Variants in LARGE1 observed in about 807,000 individuals in gnomAD.
LARGE1 encodes the protein LARGE xylosyl- and glucuronyltransferase 1, also known as xylosyl- and glucuronyltransferase LARGE1.
Under a neutral mutation model 87.6 loss-of-function variants are expected in LARGE1, and 43 were observed. The ratio of observed to expected loss-of-function variants is 0.49; its 90% CI spans 0.38 to 0.63. The LOEUF (loss-of-function observed/expected upper bound fraction) is 0.63, where lower values mean the gene tolerates loss of function less well. Ranked by LOEUF, LARGE1 falls within the 30% of genes least tolerant of loss-of-function variation. The probability of loss-of-function intolerance (pLI) is 0.00; values close to 1 mark genes in which losing one functional copy is unlikely to be tolerated. For synonymous variants in LARGE1, 434 were observed against 394.6 expected, an observed-to-expected ratio of 1.10 and a Z score of -1.18; for missense variants, 802 against 1,000.2, an observed-to-expected ratio of 0.80 and a Z score of 2.67.
chr22:33,789,820 C>G lies in LARGE1; in HGVS notation c.-82-28262G>C, dbSNP rs2085765937. 2.0e-5 allele frequency among the ~76,000 whole-genome samples: 3 copies of G among 152,190 alleles called. No homozygotes were observed. In the South Asian group the frequency reaches 6.2e-4, roughly 31 times the overall value. ...GAATTTTTACCCAAGCCCTGTACTC[C>G]CATTGTATCTAGGAAGTAACTAACT... On this transcript the variant is annotated intron_variant, in intron 1 of 14. Transcript: ENST00000397394.
At chr22:33,162,259 A>G (rs960279589) in exon 12 of LARGE1, 4 of 152,242 alleles carry the variant, frequency 2.6e-5, no homozygotes, top group East Asian at 1.9e-4. Flanking sequence ...ATTGACTCAC[A>G]GTTCAGCATG....
chr22:33,852,973 C>A (rs898956852), intron 1 of LARGE1, among the ~76,000 whole-genome samples: 4 of 151,036 alleles, frequency 2.6e-5, no homozygotes, highest in African/African-American at 9.7e-5. Flanking sequence ...GCGAGGGTCA[C>A]AGTGATCAAT....
chr22:33,304,279 G>C lies in LARGE1; in HGVS notation c.1680C>G (p.Phe560Leu). Reference sequence around the variant, plus strand: ...TGGGCAGGAAGTCAATGTCAGACAGGAACATGTAGGGAGTGCTGATGTGCT... The same window carrying C: ...TGGGCAGGAAGTCAATGTCAGACAGCAACATGTAGGGAGTGCTGATGTGCT... ...AMKHISTPYM[F>L]LSDIDFLPMY... is the part of the protein sequence containing the mutation. The change falls in exon 12 of 15, where the codon TTC becomes TTG. Residue 560 changes from phenylalanine to leucine, a missense_variant. Around this residue, in one of 2 missense-constraint regions of LARGE1, gnomAD observed 625 missense variants for 841.9 expected, o/e 0.74. Coordinates refer to ENST00000397394, the MANE Select transcript of LARGE1 (RefSeq NM_133642.5). The C allele has an allele frequency of 6.2e-7, 1 of 1,614,260 alleles. No individual in the cohort carries two copies. The highest frequency in any genetic ancestry group is 8.5e-7 in the Non-Finnish European group (1 of 1,180,050).
intron 11 of LARGE1, among the ~76,000 whole-genome samples, chr22:33,257,032 C>T (rs5754500): frequency 0.09 from 13,623 of 152,078 alleles, 739 homozygotes; most frequent in African/African-American, 0.14. Flanking sequence ...ATGGAGAAAA[C>T]GCATCTCTAC....
chr22:33,304,410 C>A lies in LARGE1; in HGVS notation c.1549G>T (p.Ala517Ser), dbSNP rs148771159. Residue 517 changes from alanine (A) to serine (S), a missense_variant, in exon 12 of 15, where the codon GCA becomes TCA. This residue lies in a region of LARGE1 where 625 missense variants were observed against 841.9 expected (regional missense o/e 0.74). Transcript: ENST00000397394. ...CTCATAAGCACCTCAGAGCCCTGTGCGTAGCGGAGGAACTGCTGGGCCTCG... is the reference window on the plus strand; with the variant it reads ...CTCATAAGCACCTCAGAGCCCTGTGAGTAGCGGAGGAACTGCTGGGCCTCG... ...DAEAQQFLRY[A>S]QGSEVLMSRH... is the part of the protein sequence containing the mutation. 6.2e-7 allele frequency: 1 copy of A among 1,614,226 alleles called. No homozygotes were observed. Among genetic ancestry groups the A allele is most frequent in the South Asian group, 1.1e-5 (1 of 91,086 alleles).
Position 33,593,029 on chromosome 22 carries a change from C to T in LARGE1, c.615+11406G>A, listed in dbSNP as rs550940810. On this transcript the variant is annotated intron_variant, in intron 5 of 14. Transcript: ENST00000397394. The stretch of plus-strand genomic sequence containing the variant: ...TAATTTTTTGTATTTTTAGTAGAGA[C>T]GGGGTTTCACCGTGTTAGCCAGGAT... Among the ~76,000 whole-genome samples, 11 of 152,244 alleles carry T rather than the reference C, an allele frequency of 7.2e-5. No individual in the cohort carries two copies. In the East Asian group the frequency reaches 1.4e-3, roughly 19 times the overall value.
At chr22:33,302,086 T>G (rs1190873290) in intron 12 of LARGE1, among the ~76,000 whole-genome samples, 1 of 152,164 alleles carries the variant, frequency 6.6e-6, no homozygotes, top group Non-Finnish European at 1.5e-5. Flanking sequence ...TTTCTTAGTC[T>G]AGGGTGGCAC....
At chr22:33,921,327 C>A (rs768305946), upstream of LARGE1, among the ~76,000 whole-genome samples, 60 of 152,216 alleles carry the variant, frequency 3.9e-4, no homozygotes, top group Non-Finnish European at 8.1e-4. This position sits in a 1 kb window ranked among gnomAD's most constrained non-coding sequence, Gnocchi z 4.1. Flanking sequence ...TTCCCCCAAC[C>A]CCGGCGGCTC....
intron 2 of LARGE1, among the ~76,000 whole-genome samples, chr22:33,660,092 T>G (rs2157105): frequency 0.039 from 1,777 of 45,158 alleles, 9 homozygotes; most frequent in Non-Finnish European, 0.075. Flanking sequence ...GTGTGTGTGT[T>G]TTTTTTTTTT....
chr22:33,729,389 C>A (rs770492753), intron 2 of LARGE1, among the ~76,000 whole-genome samples: 1 of 152,200 alleles, frequency 6.6e-6, no homozygotes, highest in African/African-American at 2.4e-5. Flanking sequence ...TGAACAATGT[C>A]ATGGGAAATG....
chr22:33,465,085 T>C (rs1453905671), intron 6 of LARGE1, among the ~76,000 whole-genome samples: 2 of 152,310 alleles, frequency 1.3e-5, no homozygotes, highest in Middle Eastern at 3.4e-3. Context: ...GACAAAAGAA[T>C]AGATCAATCT....
chr22:33,208,609 C>G (rs566467035), intron 11 of LARGE1, among the ~76,000 whole-genome samples: 1 of 151,752 alleles, frequency 6.6e-6, no homozygotes, highest in East Asian at 1.9e-4. Context: ...TTCTGGGGTA[C>G]ATGTGCAGAA....
chr22:33,564,709 C>T, intron 6 of LARGE1, 139 bp downstream of exon 6: 5 of 802,184 alleles, frequency 6.2e-6, no homozygotes, highest in South Asian at 3.0e-5. Context: ...GATATTGAAC[C>T]ATATTTGTAA....
upstream of LARGE1, among the ~76,000 whole-genome samples, chr22:33,921,146 C>T (rs998053863): frequency 4.6e-5 from 7 of 151,698 alleles, no homozygotes; most frequent in African/African-American, 1.7e-4. The surrounding 1 kb of genome is among the most constrained non-coding windows in gnomAD (Gnocchi z 4.1). Flanking sequence ...GCAAGCGCCG[C>T]AGCCGCGCGG....
At chr22:33,404,730 G>A (rs1039523178) in intron 7 of LARGE1, among the ~76,000 whole-genome samples, 4 of 152,190 alleles carry the variant, frequency 2.6e-5, no homozygotes, top group Non-Finnish European at 4.4e-5. Flanking sequence ...CAAGCTTTGA[G>A]GCAAGAGTGA....
chr22:33,909,053 G>A (rs994983972), intron 1 of LARGE1, among the ~76,000 whole-genome samples: 7 of 152,104 alleles, frequency 4.6e-5, no homozygotes, highest in African/African-American at 1.7e-4. Context: ...GAGCCCATTT[G>A]AACAAACCCC....
chr22:33,565,929 T>C (rs901694813), intron 5 of LARGE1, among the ~76,000 whole-genome samples: 1 of 152,182 alleles, frequency 6.6e-6, no homozygotes, highest in African/African-American at 2.4e-5. Context: ...TTTATGAAGA[T>C]CACTGTGGGC....
At chr22:33,535,246 G>A (rs1207981108) in intron 6 of LARGE1, among the ~76,000 whole-genome samples, 2 of 152,166 alleles carry the variant, frequency 1.3e-5, no homozygotes, top group Admixed American at 6.5e-5. Flanking sequence ...GTGGGTCCAA[G>A]AGAAAACCTC....
At chr22:33,244,463 CT>C (rs1926664888) in intron 11 of LARGE1, among the ~76,000 whole-genome samples, 1 of 152,150 alleles carries the variant, frequency 6.6e-6, no homozygotes, top group African/African-American at 2.4e-5. Context: ...AAGCCTCTGA[CT>C]TTTTATGCTC....
Sources: gnomAD v4.1 joint callset for allele counts (sites outside exome capture counted in the v4.1 genomes callset) on GRCh38, gnomAD v4.1.1 for gene constraint, gnomAD v4.1.1 regional missense constraint, Gnocchi (gnomAD v3.1) non-coding constraint, MANE v1.5 for transcripts, NCBI Gene and HGNC (gene_info 2026-07-23, HGNC 2026-07-21) for gene names.